The following ZC3H4 variants were observed in gnomAD, a reference collection of about 807,000 sequenced individuals.
The protein encoded by ZC3H4 is zinc finger CCCH-type containing 4.
Under a neutral mutation model 108.3 loss-of-function variants are expected in ZC3H4, and 13 were observed. The ratio of observed to expected loss-of-function variants is 0.12; its 90% CI spans 0.08 to 0.19. ZC3H4 has a LOEUF of 0.19. Among genes scored for constraint, ZC3H4 ranks in the 10% least tolerant of loss-of-function variants. The pLI, the probability that ZC3H4 is intolerant of heterozygous loss-of-function variation, is 1.00. For synonymous variants in ZC3H4, 917 were observed against 749.6 expected, an observed-to-expected ratio of 1.22 and a Z score of -3.65; for missense variants, 1,734 against 1,838.8, an observed-to-expected ratio of 0.94 and a Z score of 1.04.
intron 5 of ZC3H4, among the ~76,000 whole-genome samples, chr19:47,087,387 G>GA (rs1451352893): frequency 3.3e-5 from 5 of 151,344 alleles, no homozygotes; most frequent in Non-Finnish European, 7.4e-5. Flanking sequence ...ATATTAGGTT[G>GA]AAAACAGATT....
Position 47,066,578 on chromosome 19 carries a change from A to G in ZC3H4, c.3690T>C (p.Ala1230=). 6.3e-7 allele frequency: 1 copy of G among 1,589,704 alleles called. No homozygotes were observed. The highest frequency in any genetic ancestry group is 8.6e-7 in the Non-Finnish European group (1 of 1,167,416). The change falls in exon 15 of 15, where the codon GCT becomes GCC. Residue 1230 remains alanine, a synonymous_variant. Transcript: ENST00000253048. ...CGGGGGGTGGGGTGGCGGTGGTGGCAGCGGGGGCTGCAGCAGCCTTGGGCC... is the reference window on the plus strand; with the variant it reads ...CGGGGGGTGGGGTGGCGGTGGTGGCGGCGGGGGCTGCAGCAGCCTTGGGCC... ...RPRPKAAAAP[A]ATTATPPPEG...
At chr19:47,094,787 CTG>C (rs2057794996) in intron 2 of ZC3H4, among the ~76,000 whole-genome samples, 179 bp from the exon 3 acceptor site, 1 of 152,210 alleles carries the variant, frequency 6.6e-6, no homozygotes, top group Non-Finnish European at 1.5e-5. Flanking sequence ...CCTGAAAGAA[CTG>C]TGCTTGCTCC....
intron 5 of ZC3H4, among the ~76,000 whole-genome samples, chr19:47,089,377 T>C (rs1248972270): frequency 2.0e-5 from 3 of 152,110 alleles, no homozygotes; most frequent in African/African-American, 4.8e-5. Context: ...TTGGTTGCTG[T>C]TGTTGGTCAG....
chr19:47,100,756 T>C (rs545128834), intron 2 of ZC3H4, among the ~76,000 whole-genome samples: 1 of 152,270 alleles, frequency 6.6e-6, no homozygotes, highest in African/African-American at 2.4e-5. Flanking sequence ...TGGAGTGCAG[T>C]GGCGTGATTT....
At chr19:47,070,368 C>T (rs1465220879) in intron 13 of ZC3H4, among the ~76,000 whole-genome samples, 1 of 152,156 alleles carries the variant, frequency 6.6e-6, no homozygotes, top group Non-Finnish European at 1.5e-5. Context: ...AGCTGGGACC[C>T]ACTCCATGAA....
chr19:47,084,263 A>G, intron 9 of ZC3H4, 82 bp downstream of exon 9: 1 of 1,362,790 alleles, frequency 7.3e-7, no homozygotes, highest in Non-Finnish European at 1.0e-6. Context: ...CACCCTCACC[A>G]CGGCTCCAGA....
chr19:47,089,090 C>G lies in ZC3H4; in HGVS notation c.715+877G>C, dbSNP rs539743062. Among the ~76,000 whole-genome samples the G allele has an allele frequency of 4.0e-5, 6 of 151,094 alleles. No individual in the cohort carries two copies. The South Asian group carries it at 1.3e-3, about 32-fold the overall frequency. On this transcript the variant is annotated intron_variant, in intron 5 of 14. Coordinates refer to ENST00000253048, the MANE Select transcript of ZC3H4 (RefSeq NM_015168.2). Reference sequence around the variant, plus strand: ...GTGTAGTGGCACGTGCCTGTAATCCCAGCTACTCAGGAGGCTGAGGCAGAA... The same window carrying G: ...GTGTAGTGGCACGTGCCTGTAATCCGAGCTACTCAGGAGGCTGAGGCAGAA...
intron 6 of ZC3H4, 27 bp downstream of exon 6, chr19:47,086,357 C>T (rs993863347): frequency 3.1e-6 from 5 of 1,611,788 alleles, no homozygotes; most frequent in Non-Finnish European, 3.4e-6. Flanking sequence ...CTCACCCCGA[C>T]GTCCCCAGGG....
chr19:47,094,039 A>G lies in ZC3H4; in HGVS notation c.423T>C (p.Asp141=). Reference sequence around the variant, plus strand: ...TCTCACTGGGGCTGAAATCCGAGTCATCTGAGAAGTCAGAGAAGTCATCGC... The same window carrying G: ...TCTCACTGGGGCTGAAATCCGAGTCGTCTGAGAAGTCAGAGAAGTCATCGC... The part of the protein sequence containing the change: ...SSSDDFSDFS[D]DSDFSPSEKG... The change falls in exon 4 of 15, where the codon GAT becomes GAC. Residue 141 remains aspartate (D), a synonymous_variant. Coordinates refer to ENST00000253048, the MANE Select transcript of ZC3H4 (RefSeq NM_015168.2). 1 of 1,614,186 alleles carries G rather than the reference A, an allele frequency of 6.2e-7. No individual in the cohort carries two copies. Among genetic ancestry groups the G allele is most frequent in the Non-Finnish European group, 8.5e-7 (1 of 1,180,022 alleles).
chr19:47,111,285 G>A (rs1050838901), intron 2 of ZC3H4, among the ~76,000 whole-genome samples: 1 of 152,186 alleles, frequency 6.6e-6, no homozygotes, highest in Non-Finnish European at 1.5e-5. Flanking sequence ...GAAGGAAACG[G>A]GGCCCCAACC....
At chr19:47,112,671 C>T in intron 1 of ZC3H4, 82 bp from the exon 2 acceptor site, 1 of 895,168 alleles carries the variant, frequency 1.1e-6, no homozygotes, top group Non-Finnish European at 1.5e-6. Context: ...TCGGAGGGCT[C>T]CTGATGGGAA....
chr19:47,100,207 C>G (rs1324976292), intron 2 of ZC3H4, among the ~76,000 whole-genome samples: 2 of 152,144 alleles, frequency 1.3e-5, no homozygotes, highest in Non-Finnish European at 2.9e-5. Context: ...GAGACCTTCC[C>G]TTGAGTTAGG....
chr19:47,071,409 C>T (rs1190763467), intron 13 of ZC3H4, among the ~76,000 whole-genome samples: 3 of 152,166 alleles, frequency 2.0e-5, no homozygotes, highest in Admixed American at 2.0e-4. Context: ...ACACTGGTTG[C>T]TCCAAGCCGA....
chr19:47,082,362 AG>A, intron 9 of ZC3H4, 67 bp from the exon 10 acceptor site: 1 of 1,213,600 alleles, frequency 8.2e-7, no homozygotes, highest in South Asian at 1.2e-5. Flanking sequence ...CTGTCTGCAA[AG>A]GGAAGAAATA....
chr19:47,084,909 C>CAACTCTAGTTGACCA, intron 8 of ZC3H4, 147 bp downstream of exon 8: 1 of 1,064,078 alleles, frequency 9.4e-7, no homozygotes, highest in Non-Finnish European at 1.4e-6. Flanking sequence ...CTCTAGTTGT[C>CAACTCTAGTTGACCA]GCTGGTTATG....
At position 47,071,872 on chromosome 19, in the gene ZC3H4, C is replaced by T. The variant is rs1296191354; in HGVS notation, c.2052G>A (p.Met684Ile). ...TCTGGGCTGGCGGGATAGGGGGCAT[C>T]ATTCCAGAATGTGGGGAGTCTCCAG... ...YGPGDSPHSG[M>I]MPPIPPAQNF... The change falls in exon 13 of 15, where the codon ATG becomes ATA. Residue 684 changes from methionine to isoleucine, a missense_variant. By Grantham distance (10) the Met-to-Ile change is conservative. Around this residue, in one of 9 missense-constraint regions of ZC3H4, gnomAD observed 540 missense variants for 484.1 expected, o/e 1.12. Coordinates refer to ENST00000253048, the MANE Select transcript of ZC3H4 (RefSeq NM_015168.2). 1 of 1,613,412 alleles carries T rather than the reference C, an allele frequency of 6.2e-7. No homozygotes were observed.
At chr19:47,087,806 G>C (rs1600066076) in intron 5 of ZC3H4, among the ~76,000 whole-genome samples, 1 of 152,056 alleles carries the variant, frequency 6.6e-6, no homozygotes, top group Non-Finnish European at 1.5e-5. Context: ...CCTCGGAGGC[G>C]GAGGTTGCAG....
chr19:47,112,849 C>G (rs1282809148), intron 1 of ZC3H4, among the ~76,000 whole-genome samples: 1 of 151,982 alleles, frequency 6.6e-6, no homozygotes, highest in Non-Finnish European at 1.5e-5. Flanking sequence ...GCCCCCCCCC[C>G]ACGCACCCCC....
At chr19:47,080,681 G>GACACAGTCTCACTCTGTT (rs1337742311) in intron 11 of ZC3H4, among the ~76,000 whole-genome samples, 1 of 147,616 alleles carries the variant, frequency 6.8e-6, no homozygotes, top group African/African-American at 2.5e-5. Context: ...TTTTTTTTGA[G>GACACAGTCTCACTCTGTT]ACACAGTCTC....
Sources: allele counts gnomAD v4.1 joint callset (sites outside exome capture counted in the v4.1 genomes callset), GRCh38; gene constraint gnomAD v4.1.1; regional missense constraint gnomAD v4.1.1; transcripts MANE v1.5; gene names NCBI Gene and HGNC (gene_info 2026-07-23, HGNC 2026-07-21).